Variants in PIK3C2A observed in about 807,000 individuals in gnomAD.
PIK3C2A encodes phosphatidylinositol-4-phosphate 3-kinase catalytic subunit type 2 alpha, also known as phosphatidylinositol 4-phosphate 3-kinase C2 domain-containing subunit alpha.
A neutral mutation model predicts 204.5 loss-of-function variants in PIK3C2A; 97 were observed. The ratio of observed to expected loss-of-function variants is 0.47; its 90% CI spans 0.40 to 0.56. PIK3C2A has a LOEUF of 0.56. PIK3C2A is among the 20% of genes least tolerant of loss of function. The probability of loss-of-function intolerance (pLI) is 0.00; values close to 1 mark genes in which losing one functional copy is unlikely to be tolerated. For synonymous variants in PIK3C2A, 653 were observed against 664.4 expected, an observed-to-expected ratio of 0.98 and a Z score of 0.26; for missense variants, 1,735 against 1,969.2, an observed-to-expected ratio of 0.88 and a Z score of 2.25.
intron 8 of PIK3C2A, among the ~76,000 whole-genome samples, chr11:17,137,232 C>T (rs1434462591): frequency 1.3e-5 from 2 of 152,094 alleles, no homozygotes; most frequent in Non-Finnish European, 2.9e-5. Context: ...CCTTCACCTT[C>T]AAGCTTAAAT....
chr11:17,152,838 A>C (rs546504620), intron 3 of PIK3C2A, among the ~76,000 whole-genome samples: 1 of 152,266 alleles, frequency 6.6e-6, no homozygotes, highest in East Asian at 1.9e-4. Context: ...AGAAGAAAAG[A>C]GATAAAAATG....
At chr11:17,197,269 C>T (rs1591026554) in intron 1 of PIK3C2A, among the ~76,000 whole-genome samples, 1 of 152,142 alleles carries the variant, frequency 6.6e-6, no homozygotes, top group African/African-American at 2.4e-5. Context: ...ATCCACCCAC[C>T]TCAGCTTCCC....
At chr11:17,139,634 A>G (rs573501096) in intron 8 of PIK3C2A, among the ~76,000 whole-genome samples, 2 of 152,358 alleles carry the variant, frequency 1.3e-5, no homozygotes, top group East Asian at 1.9e-4. Context: ...ATATTTTTGC[A>G]TTGGATATTT....
intron 2 of PIK3C2A, among the ~76,000 whole-genome samples, chr11:17,160,403 A>G (rs530928512): frequency 6.6e-6 from 1 of 152,236 alleles, no homozygotes; most frequent in African/African-American, 2.4e-5. Context: ...GATGTAGTCA[A>G]TTTTTAAAAA....
intron 22 of PIK3C2A, among the ~76,000 whole-genome samples, chr11:17,109,445 T>C (rs549033017): frequency 1.1e-3 from 163 of 152,346 alleles, no homozygotes; most frequent in African/African-American, 3.7e-3. Flanking sequence ...TTTACATCCA[T>C]TATTTCAAAA....
At chr11:17,143,809 C>T (rs895857647) in intron 8 of PIK3C2A, among the ~76,000 whole-genome samples, 1 of 151,934 alleles carries the variant, frequency 6.6e-6, no homozygotes, top group African/African-American at 2.4e-5. Flanking sequence ...TGGTGGCACA[C>T]ACCTGTAATC....
Position 17,159,167 on chromosome 11 carries a change from C to T in PIK3C2A, c.1066-3538G>A, listed in dbSNP as rs574266374. On this transcript the variant is annotated intron_variant, in intron 2 of 32. Coordinates refer to ENST00000691414, the MANE Select transcript of PIK3C2A (RefSeq NM_002645.4). ...CTCCATGGATCTTGCACAGACTTTT[C>T]TTCTGTGGCACTCAAGACTTTCTAT... is the stretch of plus-strand genomic sequence containing the variant. Among the ~76,000 whole-genome samples the T allele has an allele frequency of 4.8e-4, 73 of 152,330 alleles. 1 individual carries two copies. The South Asian group carries it at 0.014, about 29-fold the overall frequency.
At chr11:17,191,150 GGAGGT>G (rs1851927813) in intron 1 of PIK3C2A, among the ~76,000 whole-genome samples, 1 of 152,222 alleles carries the variant, frequency 6.6e-6, no homozygotes, top group Admixed American at 6.5e-5. Flanking sequence ...AAGAAACCAT[GGAGGT>G]AAGTTTTAAT....
chr11:17,193,871 A>AGGG lies in PIK3C2A; in HGVS notation c.-66+13976_-66+13977insCCC, dbSNP rs1565305793. 12 of 113,428 alleles carry AGGG rather than the reference A, an allele frequency of 1.1e-4. 1 individual carries two copies. The highest frequency in any genetic ancestry group is 2.4e-4 in the Admixed American group (2 of 8,278). The allele number at this position is 113,428 out of a possible 1,614,324, so 7.0% of individuals were successfully genotyped here. ...AAAAAAGAAAAGAAAAGAAAAGAAAAGAAAAGAAAAGAAAAGAAAAGAAAA... is the reference window on the plus strand; with the variant it reads ...AAAAAAGAAAAGAAAAGAAAAGAAAAGGGGAAAAGAAAAGAAAAGAAAAGAAAA... On this transcript the variant is annotated intron_variant, in intron 1 of 32. Transcript: ENST00000691414.
chr11:17,097,054 TACA>T lies in PIK3C2A; in HGVS notation c.4326_4326+2del, dbSNP rs2137274241. ...TGTTTATGAATATTGAAATCAAACT[TACA>T]TAATGTTTATCTGGGTTGTATTTCT... On this transcript the variant is annotated splice_donor_variant and coding_sequence_variant, in exon 27 of 33. Coordinates refer to ENST00000691414, the MANE Select transcript of PIK3C2A (RefSeq NM_002645.4). LOFTEE classifies it high-confidence loss of function. 1 of 1,494,314 alleles carries T rather than the reference TACA, an allele frequency of 6.7e-7. No individual in the cohort carries two copies. The highest frequency in any genetic ancestry group is 1.1e-5 in the South Asian group (1 of 88,032). 92.6% of individuals were successfully genotyped at this position (1,494,314 alleles called of 1,614,324 possible).
At chr11:17,189,652 G>A (rs1851872385) in intron 1 of PIK3C2A, among the ~76,000 whole-genome samples, 1 of 127,376 alleles carries the variant, frequency 7.9e-6, no homozygotes, top group Non-Finnish European at 1.5e-5. Flanking sequence ...TACTTTCATC[G>A]CCCCATAAAG....
At chr11:17,184,724 A>G (rs1448940245) in intron 1 of PIK3C2A, among the ~76,000 whole-genome samples, 1 of 152,150 alleles carries the variant, frequency 6.6e-6, no homozygotes, top group African/African-American at 2.4e-5. Flanking sequence ...CCTTAAGCCC[A>G]GGAGCTTGAG....
intron 2 of PIK3C2A, among the ~76,000 whole-genome samples, chr11:17,157,286 C>A (rs999556680): frequency 6.6e-6 from 1 of 151,936 alleles, no homozygotes; most frequent in Non-Finnish European, 1.5e-5. Context: ...ATGGTGAAAC[C>A]TTGTCTCTAC....
intron 16 of PIK3C2A, 127 bp downstream of exon 16, chr11:17,119,659 T>C: frequency 3.4e-6 from 2 of 583,038 alleles, no homozygotes; most frequent in Non-Finnish European, 5.9e-6. Context: ...TTTGTATAAA[T>C]ATACATTTAC....
In PIK3C2A at chr11:17,099,836, G is replaced by T. The variant is rs747848824; in HGVS notation, c.4118+24C>A. Reference sequence around the variant, plus strand: ...CAAAGCAATATTTTATGTTCCTTCTGCAATATACTTAAATATGCTTTACCT... The same window carrying T: ...CAAAGCAATATTTTATGTTCCTTCTTCAATATACTTAAATATGCTTTACCT... On this transcript the variant is annotated intron_variant, in intron 26 of 32. Transcript: ENST00000691414. 7 of 945,898 alleles carry T rather than the reference G, an allele frequency of 7.4e-6. No homozygotes were observed. In the South Asian group the frequency reaches 9.5e-5, roughly 13 times the overall value. 58.6% of individuals were successfully genotyped at this position (945,898 alleles called of 1,614,324 possible).
chr11:17,184,564 A>T (rs1180966092), intron 1 of PIK3C2A, among the ~76,000 whole-genome samples: 1 of 152,178 alleles, frequency 6.6e-6, no homozygotes, highest in African/African-American at 2.4e-5. Flanking sequence ...TTATTACAAA[A>T]GCGTCAGAAG....
At chr11:17,101,732 T>C (rs1848629780) in intron 24 of PIK3C2A, among the ~76,000 whole-genome samples, 1 of 151,188 alleles carries the variant, frequency 6.6e-6, no homozygotes, top group Non-Finnish European at 1.5e-5. Context: ...GCCTCCCGAG[T>C]AGCCGGGACC....
intron 1 of PIK3C2A, among the ~76,000 whole-genome samples, chr11:17,196,726 C>T (rs1041236823): frequency 3.3e-5 from 5 of 151,912 alleles, no homozygotes; most frequent in Non-Finnish European, 5.9e-5. Context: ...CCGGCCACCA[C>T]GCTTGACTAA....
At chr11:17,200,214 C>T (rs1852319620) in intron 1 of PIK3C2A, among the ~76,000 whole-genome samples, 2 of 151,654 alleles carry the variant, frequency 1.3e-5, no homozygotes, top group South Asian at 4.2e-4. Context: ...AGAAAGTCAT[C>T]GTCTTGATCG....
Sources: allele counts gnomAD v4.1 joint callset (sites outside exome capture counted in the v4.1 genomes callset), GRCh38; gene constraint gnomAD v4.1.1; transcripts MANE v1.5; gene names NCBI Gene and HGNC (gene_info 2026-07-23, HGNC 2026-07-21).